PIP5K1B: variants seen among roughly 807,000 people sequenced by gnomAD.
PIP5K1B encodes the protein phosphatidylinositol-4-phosphate 5-kinase type 1 beta, also known as phosphatidylinositol 4-phosphate 5-kinase type-1 beta.
A neutral mutation model predicts 67.0 loss-of-function variants in PIP5K1B; 42 were observed. The observed-to-expected ratio is 0.63, with a 90% confidence interval of 0.49 to 0.81. The LOEUF (loss-of-function observed/expected upper bound fraction) is 0.81. PIP5K1B is among the 30% of genes least tolerant of loss of function. The pLI is 0.00. For synonymous variants in PIP5K1B, 214 were observed against 231.4 expected (o/e 0.92, Z 0.68); for missense variants, 459 against 646.3 (o/e 0.71, Z 3.14).
chr9:68,986,095 C>T (rs1354486995), intron 14 of PIP5K1B, among the ~76,000 whole-genome samples: 1 of 152,186 alleles, frequency 6.6e-6, no homozygotes, highest in South Asian at 2.1e-4. Context: ...GACAAGTTTT[C>T]ATTTTTCTTG....
chr9:68,974,309 C>T (rs1160619791), intron 14 of PIP5K1B, among the ~76,000 whole-genome samples: 1 of 152,214 alleles, frequency 6.6e-6, no homozygotes, highest in Non-Finnish European at 1.5e-5. Flanking sequence ...GCTCTAGAAT[C>T]ACCTGCTTCA....
At position 68,733,501 on chromosome 9, in the gene PIP5K1B, ACT is replaced by A. The variant is rs368483893; in HGVS notation, c.-242-8997_-242-8996del. 9.7e-4 allele frequency among the ~76,000 whole-genome samples: 148 copies of A among 152,040 alleles called. 4 individuals carry two copies. In the South Asian group the frequency reaches 0.03, roughly 30 times the overall value. On this transcript the variant is annotated intron_variant, in intron 1 of 15. Transcript: ENST00000265382. The stretch of plus-strand genomic sequence containing the variant: ...ATCCTATTGTTTATACTATGCACAA[ACT>A]CTGTGTGACATTTAGATTTGGGGGA...
intron 5 of PIP5K1B, among the ~76,000 whole-genome samples, chr9:68,875,361 T>C (rs1823837228): frequency 7.1e-6 from 1 of 141,576 alleles, no homozygotes; most frequent in Admixed American, 7.1e-5. Flanking sequence ...GAAAAACTAG[T>C]TGCGTTGGTT....
intron 14 of PIP5K1B, among the ~76,000 whole-genome samples, chr9:68,946,417 G>A (rs1350125722): frequency 6.6e-6 from 1 of 150,704 alleles, no homozygotes; most frequent in East Asian, 1.9e-4. Context: ...TTTTTTTTGA[G>A]ACAGAGTCTC....
At chr9:68,933,844 G>A (rs1271492540) in intron 12 of PIP5K1B, among the ~76,000 whole-genome samples, 1 of 152,124 alleles carries the variant, frequency 6.6e-6, no homozygotes, top group Non-Finnish European at 1.5e-5. Flanking sequence ...TCTCATTTGT[G>A]TGTCCCAAAG....
intron 12 of PIP5K1B, among the ~76,000 whole-genome samples, chr9:68,926,868 G>A (rs1390666957): frequency 6.6e-6 from 1 of 152,094 alleles, no homozygotes; most frequent in Non-Finnish European, 1.5e-5. Context: ...ACCATGCCCA[G>A]CGATTTTCTA....
intron 8 of PIP5K1B, among the ~76,000 whole-genome samples, chr9:68,913,076 A>G (rs1484423073): frequency 6.6e-6 from 1 of 152,176 alleles, no homozygotes; most frequent in Admixed American, 6.5e-5. Context: ...ACTACATTCC[A>G]ATGTTGTTAT....
chr9:68,775,689 G>A lies in PIP5K1B; in HGVS notation c.-86+33032G>A, dbSNP rs115589320. Among the ~76,000 whole-genome samples the A allele has an allele frequency of 3.0e-3, 461 of 152,290 alleles. 3 individuals carry two copies. The highest frequency in any genetic ancestry group is 0.011 in the African/African-American group (437 of 41,550). ...TTCCATTTAATATTTTTGGACCAACGTTGGCCACAGGTTAACCAAAACTGT... is the reference window on the plus strand; with the variant it reads ...TTCCATTTAATATTTTTGGACCAACATTGGCCACAGGTTAACCAAAACTGT... On this transcript the variant is annotated intron_variant, in intron 2 of 15. Coordinates refer to ENST00000265382, the MANE Select transcript of PIP5K1B (RefSeq NM_003558.4).
chr9:68,956,469 G>GA (rs1828400005), intron 14 of PIP5K1B, among the ~76,000 whole-genome samples: 2 of 142,598 alleles, frequency 1.4e-5, no homozygotes, highest in Non-Finnish European at 3.2e-5. Context: ...CTCTGTCTCA[G>GA]AAAAAAAAAG....
At chr9:68,926,423 C>T (rs1826704356) in intron 12 of PIP5K1B, among the ~76,000 whole-genome samples, 1 of 152,000 alleles carries the variant, frequency 6.6e-6, no homozygotes, top group Admixed American at 6.6e-5. Context: ...GACATTTTCT[C>T]ATTTTGATTT....
chr9:68,884,665 TAAAAA>T (rs71353087), intron 6 of PIP5K1B, among the ~76,000 whole-genome samples: 2 of 133,408 alleles, frequency 1.5e-5, no homozygotes, highest in African/African-American at 2.9e-5. Flanking sequence ...ACCTTGTCTT[TAAAAA>T]AAAAAAAAAA....
At chr9:68,784,925 A>G (rs896393533) in intron 2 of PIP5K1B, among the ~76,000 whole-genome samples, 4 of 152,180 alleles carry the variant, frequency 2.6e-5, no homozygotes, top group South Asian at 4.1e-4. Context: ...TTTGTTTCTG[A>G]TTGTGCCTAT....
At chr9:68,742,301 T>C (rs866443650) in intron 1 of PIP5K1B, 200 bp from the exon 2 acceptor site, 3 of 152,178 alleles carry the variant, frequency 2.0e-5, no homozygotes, top group African/African-American at 7.2e-5. Flanking sequence ...CTCAGCTCCT[T>C]TGAGAGTTGT....
chr9:68,995,544 G>A (rs1476503589), intron 15 of PIP5K1B, among the ~76,000 whole-genome samples: 1 of 152,186 alleles, frequency 6.6e-6, no homozygotes, highest in East Asian at 1.9e-4. Context: ...AGTGGCTCAT[G>A]CCTGTAATCC....
intron 1 of PIP5K1B, among the ~76,000 whole-genome samples, chr9:68,728,431 T>C (rs1008157641): frequency 4.6e-5 from 7 of 152,162 alleles, no homozygotes; most frequent in African/African-American, 1.7e-4. Context: ...GACCTCATTA[T>C]TCCCCATAGG....
intron 1 of PIP5K1B, among the ~76,000 whole-genome samples, chr9:68,724,096 C>T (rs1199414432): frequency 6.6e-6 from 1 of 151,976 alleles, no homozygotes; most frequent in African/African-American, 2.4e-5. Flanking sequence ...TATGGATATC[C>T]AGTTTTCCCA....
intron 4 of PIP5K1B, among the ~76,000 whole-genome samples, chr9:68,823,241 G>A (rs190996897): frequency 6.6e-6 from 1 of 152,222 alleles, no homozygotes; most frequent in East Asian, 1.9e-4. Flanking sequence ...CATATTCACA[G>A]GTCCCAAGGA....
intron 14 of PIP5K1B, 121 bp downstream of exon 14, chr9:68,940,911 A>G (rs1296266159): frequency 2.2e-6 from 2 of 909,042 alleles, no homozygotes; most frequent in Non-Finnish European, 3.6e-6. Context: ...CATCTGCCTC[A>G]TAGGTCGGAG....
At chr9:68,799,537 A>C (rs933514391) in intron 2 of PIP5K1B, among the ~76,000 whole-genome samples, 1 of 152,208 alleles carries the variant, frequency 6.6e-6, no homozygotes, top group Non-Finnish European at 1.5e-5. Flanking sequence ...CTCTCATAAA[A>C]ATAGACATAT....
Sources: allele counts gnomAD v4.1 joint callset (sites outside exome capture counted in the v4.1 genomes callset), GRCh38; gene constraint gnomAD v4.1.1; transcripts MANE v1.5; gene names NCBI Gene and HGNC (gene_info 2026-07-23, HGNC 2026-07-21).